The following FHIT variants were observed in gnomAD, a reference collection of about 807,000 sequenced individuals.
The protein encoded by FHIT is bis(5'-adenosyl)-triphosphatase.
FHIT carries 19 observed loss-of-function variants against 17.9 expected under a neutral mutation model. The observed-to-expected ratio is 1.06, with a 90% CI of 0.74 to 1.56. FHIT has a LOEUF of 1.56. Ranked by LOEUF, FHIT falls within the 40% of genes most tolerant of loss-of-function variation. The pLI is 0.00. For missense variants in FHIT, 248 were observed against 189.2 expected (o/e 1.31, Z -1.82); for synonymous variants, 81 against 69.7 (o/e 1.16, Z -0.81).
At chr3:59,991,085 C>G (rs974469962) in intron 7 of FHIT, among the ~76,000 whole-genome samples, 2 of 152,000 alleles carry the variant, frequency 1.3e-5, no homozygotes, top group African/African-American at 4.8e-5. Flanking sequence ...CAGCAGACTA[C>G]CAGCTCCATG....
At chr3:60,767,153 G>A (rs1339656274) in intron 4 of FHIT, among the ~76,000 whole-genome samples, 2 of 152,034 alleles carry the variant, frequency 1.3e-5, no homozygotes. Flanking sequence ...CAAATAACAG[G>A]CATTTTAAAG....
At chr3:60,974,684 T>C (rs1710162611) in intron 3 of FHIT, among the ~76,000 whole-genome samples, 1 of 152,198 alleles carries the variant, frequency 6.6e-6, no homozygotes, top group Non-Finnish European at 1.5e-5. Context: ...CAAGAGTGAT[T>C]AACCCTCAGG....
chr3:59,970,832 C>G (rs1054711310), intron 7 of FHIT, among the ~76,000 whole-genome samples: 5 of 88,926 alleles, frequency 5.6e-5, no homozygotes, highest in Non-Finnish European at 1.3e-4. Flanking sequence ...ACGTCCCACT[C>G]CAGCCATTTT....
intron 5 of FHIT, among the ~76,000 whole-genome samples, chr3:60,266,243 T>A (rs1199337138): frequency 6.6e-6 from 1 of 151,988 alleles, no homozygotes; most frequent in African/African-American, 2.4e-5. Context: ...CTGAGACACA[T>A]TACAGCATGA....
At chr3:61,193,296 C>G (rs1328532119) in intron 2 of FHIT, among the ~76,000 whole-genome samples, 1 of 152,132 alleles carries the variant, frequency 6.6e-6, no homozygotes. Flanking sequence ...GACGCTGGCA[C>G]CCTGCTTCCT....
chr3:60,113,484 C>A (rs1396404833), intron 5 of FHIT, among the ~76,000 whole-genome samples: 2 of 151,800 alleles, frequency 1.3e-5, no homozygotes, highest in Non-Finnish European at 2.9e-5. Flanking sequence ...TTTTGGGATT[C>A]AGTGTTACAT....
At chr3:60,547,173 T>C (rs964951103) in intron 4 of FHIT, among the ~76,000 whole-genome samples, 5 of 152,206 alleles carry the variant, frequency 3.3e-5, no homozygotes, top group Admixed American at 2.0e-4. Flanking sequence ...GTAAAATTGC[T>C]GAATCTTTCT....
chr3:60,707,770 A>G lies in FHIT; in HGVS notation c.-18+114149T>C, dbSNP rs190635063. ...ACACTCACAGTTGGCAAGAATGCAG[A>G]GAGAGAAGCACTCCCAAACAGATGC... is the stretch of plus-strand genomic sequence containing the variant. On this transcript the variant is annotated intron_variant, in intron 4 of 9. Transcript: ENST00000492590. Among the ~76,000 whole-genome samples the G allele has an allele frequency of 3.6e-3, 545 of 152,336 alleles. 2 individuals are homozygous for G. Among genetic ancestry groups the G allele is most frequent in the Admixed American group, 5.7e-3 (87 of 15,302 alleles).
intron 7 of FHIT, among the ~76,000 whole-genome samples, chr3:59,950,397 C>CT (rs1707054401): frequency 6.6e-6 from 1 of 152,142 alleles, no homozygotes; most frequent in South Asian, 2.1e-4. Flanking sequence ...TTGCTCCTTC[C>CT]CATCATATCA....
At chr3:60,095,079 T>G (rs1412008899) in intron 5 of FHIT, among the ~76,000 whole-genome samples, 1 of 152,172 alleles carries the variant, frequency 6.6e-6, no homozygotes, top group African/African-American at 2.4e-5. Flanking sequence ...CCAAATGGGC[T>G]TCATTAGCTT....
intron 2 of FHIT, among the ~76,000 whole-genome samples, chr3:61,133,317 T>C (rs555414997): frequency 6.6e-6 from 1 of 152,358 alleles, no homozygotes; most frequent in African/African-American, 2.4e-5. Flanking sequence ...CCTGTATTCC[T>C]AGTATCTAGC....
At chr3:59,827,845 T>A (rs1701029816) in intron 8 of FHIT, among the ~76,000 whole-genome samples, 1 of 152,246 alleles carries the variant, frequency 6.6e-6, no homozygotes, top group Non-Finnish European at 1.5e-5. Context: ...TCCTTTAAAT[T>A]AATGCATGTT....
intron 5 of FHIT, among the ~76,000 whole-genome samples, chr3:60,344,597 C>T (rs1710684837): frequency 6.6e-6 from 1 of 152,236 alleles, no homozygotes; most frequent in African/African-American, 2.4e-5. Flanking sequence ...GGAGGAGGAA[C>T]AGTGAGGAGA....
chr3:60,135,481 A>T (rs1207170488), intron 5 of FHIT, among the ~76,000 whole-genome samples: 2 of 152,128 alleles, frequency 1.3e-5, no homozygotes, highest in African/African-American at 4.8e-5. Context: ...TAATCACAAA[A>T]CTTTACTTGA....
chr3:60,235,699 T>A (rs1398171411), intron 5 of FHIT, among the ~76,000 whole-genome samples: 1 of 152,080 alleles, frequency 6.6e-6, no homozygotes, highest in Non-Finnish European at 1.5e-5. Context: ...TGATGTCAAT[T>A]TTATAAAGGG....
intron 5 of FHIT, among the ~76,000 whole-genome samples, chr3:60,364,393 A>G (rs1287217407): frequency 6.6e-6 from 1 of 152,216 alleles, no homozygotes; most frequent in Non-Finnish European, 1.5e-5. Flanking sequence ...GGCTTTTTCT[A>G]TCATACTCTG....
chr3:61,060,688 T>C (rs1423973394), intron 2 of FHIT, among the ~76,000 whole-genome samples: 1 of 152,262 alleles, frequency 6.6e-6, no homozygotes, highest in African/African-American at 2.4e-5. Context: ...CTTTGGCTTC[T>C]TGCTTGATGT....
intron 4 of FHIT, among the ~76,000 whole-genome samples, chr3:60,598,960 A>G (rs1047462850): frequency 1.3e-5 from 2 of 152,206 alleles, no homozygotes; most frequent in Non-Finnish European, 2.9e-5. Flanking sequence ...CTGCCAAGGG[A>G]TTTCCCTAGG....
intron 4 of FHIT, among the ~76,000 whole-genome samples, chr3:60,713,928 T>C (rs879989237): frequency 3.3e-3 from 494 of 151,850 alleles, no homozygotes; most frequent in Non-Finnish European, 4.7e-3. Context: ...CCCTAACTCA[T>C]TTTATGAGGC....
Sources: allele counts gnomAD v4.1 joint callset (sites outside exome capture counted in the v4.1 genomes callset), GRCh38; gene constraint gnomAD v4.1.1; transcripts MANE v1.5; gene names NCBI Gene and HGNC (gene_info 2026-07-23, HGNC 2026-07-21).